The following AFF2 variants were observed in gnomAD, a reference collection of about 807,000 sequenced individuals.
AFF2 encodes ALF transcription elongation factor 2.
A neutral mutation model predicts 76.9 loss-of-function variants in AFF2; 14 were observed. The ratio of observed to expected loss-of-function variants is 0.18; its 90% CI spans 0.12 to 0.28. The LOEUF (loss-of-function observed/expected upper bound fraction) is 0.28. Ranked by LOEUF, AFF2 falls within the 10% of genes least tolerant of loss-of-function variation. The pLI, the probability that AFF2 is intolerant of heterozygous loss-of-function variation, is 1.00. For synonymous variants in AFF2, 398 were observed against 366.7 expected (o/e 1.09, Z -0.98); for missense variants, 868 against 1,001.1 (o/e 0.87, Z 1.79).
chrX:148,791,880 C>T (rs1342718562), intron 3 of AFF2, among the ~76,000 whole-genome samples: 6 of 111,470 alleles, frequency 5.4e-5, no homozygotes, highest in Non-Finnish European at 1.1e-4. Context: ...GCTCATCGAA[C>T]TGCAACTTAC....
At chrX:148,964,155 G>A (rs781826253) in intron 13 of AFF2, among the ~76,000 whole-genome samples, 48 of 112,480 alleles carry the variant, frequency 4.3e-4, no homozygotes, top group African/African-American at 1.5e-3. Flanking sequence ...GCACTGGGCT[G>A]TGGGGTGGAG....
rs1421148725 is a variant in AFF2 at position 148,994,817 on chromosome X, CTT to C, written c.*3487_*3488del. 1 of 112,241 alleles carries C rather than the reference CTT, an allele frequency of 8.9e-6. No individual in the cohort carries two copies. The highest frequency in any genetic ancestry group is 1.9e-5 in the Non-Finnish European group (1 of 53,207). The allele number at this position is 112,241 out of a possible 1,213,427, so 9.2% of individuals were successfully genotyped here. On this transcript the variant is annotated 3_prime_UTR_variant, in exon 21 of 21. Transcript: ENST00000370460. ...GTTGGAGTTTGAGGTTGGAAAATAT[CTT>C]TGAAGGCAGAATCAGTTGAGTTGTG... is the stretch of plus-strand genomic sequence containing the variant.
At chrX:148,877,010 C>G (rs923601142) in intron 7 of AFF2, among the ~76,000 whole-genome samples, 2 of 111,954 alleles carry the variant, frequency 1.8e-5, no homozygotes, top group African/African-American at 3.2e-5. Context: ...AACTGCTAAG[C>G]CAAAGTCTAA....
chrX:148,893,490 C>A (rs1215120269), intron 8 of AFF2, among the ~76,000 whole-genome samples: 4 of 111,955 alleles, frequency 3.6e-5, no homozygotes, highest in Non-Finnish European at 7.5e-5. Flanking sequence ...ATGTATTGTG[C>A]TTATCTCATG....
At chrX:148,714,387 C>T in intron 3 of AFF2, among the ~76,000 whole-genome samples, 1 of 111,689 alleles carries the variant, frequency 9.0e-6, no homozygotes, top group Middle Eastern at 4.6e-3. Flanking sequence ...CCATCTCAGA[C>T]TAATATTTGC....
chrX:148,591,499 C>T (rs1397120980), intron 1 of AFF2, among the ~76,000 whole-genome samples: 1 of 112,482 alleles, frequency 8.9e-6, no homozygotes, highest in Non-Finnish European at 1.9e-5. Flanking sequence ...TGTTACTAAG[C>T]ATCAAATGAA....
intron 1 of AFF2, among the ~76,000 whole-genome samples, chrX:148,544,971 A>G (rs1277364121): frequency 1.8e-5 from 2 of 112,349 alleles, no homozygotes; most frequent in African/African-American, 6.5e-5. Flanking sequence ...CCCTCCTTCC[A>G]TCAACCTTTA....
At chrX:148,551,411 C>A (rs1375449775) in intron 1 of AFF2, among the ~76,000 whole-genome samples, 1 of 101,573 alleles carries the variant, frequency 9.8e-6, no homozygotes, top group Non-Finnish European at 2.0e-5. Flanking sequence ...AAGCAATGAA[C>A]CCCTTACCAA....
Position 148,999,169 on chromosome X carries a change from A to C in AFF2, c.*7837A>C, listed in dbSNP as rs1450988591. 2 of 111,429 alleles carry C rather than the reference A, an allele frequency of 1.8e-5. No homozygotes were observed. Among genetic ancestry groups the C allele is most frequent in the Admixed American group, 9.5e-5 (1 of 10,488 alleles). The allele number at this position is 111,429 out of a possible 1,213,427, so 9.2% of individuals were successfully genotyped here. The stretch of plus-strand genomic sequence containing the variant: ...TTTTCCAGTAGGTAAATTGACTGAG[A>C]CTTGCAAAATACCCCTGAGAGTTGT... On this transcript the variant is annotated 3_prime_UTR_variant, in exon 21 of 21. Transcript: ENST00000370460.
Position 148,744,375 on chromosome X carries a change from G to A in AFF2, c.1042-65501G>A, listed in dbSNP as rs782339570. On this transcript the variant is annotated intron_variant, in intron 3 of 20. Transcript: ENST00000370460. ...ATTTAGTTAAGAATCTTGCATGTATGTAAACGTGTGAAGAAGAAAACAAGT... is the reference window on the plus strand; with the variant it reads ...ATTTAGTTAAGAATCTTGCATGTATATAAACGTGTGAAGAAGAAAACAAGT... Among the ~76,000 whole-genome samples, 4 of 112,081 alleles carry A rather than the reference G, an allele frequency of 3.6e-5. No individual in the cohort carries two copies. The East Asian group carries it at 1.1e-3, about 32-fold the overall frequency.
At chrX:148,746,970 T>G (rs934974398) in intron 3 of AFF2, among the ~76,000 whole-genome samples, 11 of 112,517 alleles carry the variant, frequency 9.8e-5, no homozygotes, top group African/African-American at 3.2e-4. Context: ...GAGAGGTAGA[T>G]GGACTGGGGA....
intron 1 of AFF2, among the ~76,000 whole-genome samples, chrX:148,569,442 T>TA (rs1159373210): frequency 5.7e-4 from 63 of 111,147 alleles, no homozygotes; most frequent in African/African-American, 1.8e-3. Flanking sequence ...CAAACATCTC[T>TA]AAAAAACAAA....
rs1305957026 is a variant in AFF2 at position 148,752,249 on chromosome X, C to T, written c.1042-57627C>T. Among the ~76,000 whole-genome samples, 122 of 112,046 alleles carry T rather than the reference C, an allele frequency of 1.1e-3. 11 individuals carry two copies. Among genetic ancestry groups the T allele is most frequent in the Non-Finnish European group, 3.8e-5 (2 of 53,183 alleles). On this transcript the variant is annotated intron_variant, in intron 3 of 20. Coordinates refer to ENST00000370460, the MANE Select transcript of AFF2 (RefSeq NM_002025.4). ...TTTTCCCTGCTAATAATCGACTCTA[C>T]CTTTGACAACAGAGCAAACAAGTTA...
intron 1 of AFF2, among the ~76,000 whole-genome samples, chrX:148,504,704 CCA>C (rs1276913105): frequency 8.8e-6 from 1 of 113,012 alleles, no homozygotes; most frequent in Non-Finnish European, 1.9e-5. Flanking sequence ...TGCACTTTCC[CCA>C]GTTTTCTTCG....
Position 148,995,490 on chromosome X carries a change from C to CGGGGGG in AFF2, c.*4160_*4165dup, listed in dbSNP as rs1165385117. On this transcript the variant is annotated 3_prime_UTR_variant, in exon 21 of 21. Transcript: ENST00000370460. ...GGCAGAAAGGGGGTGGGGGTGGGGG[C>CGGGGGG]GGGGGGGTGGGGGGTGGGGAAGCCC... The CGGGGGG allele has an allele frequency of 4.4e-5, 2 of 45,955 alleles. No homozygotes were observed. Among genetic ancestry groups the CGGGGGG allele is most frequent in the African/African-American group, 1.2e-4 (2 of 16,229 alleles). The allele number at this position is 45,955 out of a possible 1,213,427, so 3.8% of individuals were successfully genotyped here.
At chrX:148,553,748 G>A (rs782385112) in intron 1 of AFF2, among the ~76,000 whole-genome samples, 3 of 111,670 alleles carry the variant, frequency 2.7e-5, no homozygotes, top group East Asian at 2.8e-4. Flanking sequence ...TATTTCTTCC[G>A]TGTCCCCAGA....
intron 1 of AFF2, among the ~76,000 whole-genome samples, chrX:148,518,385 A>G (rs1330400502): frequency 2.7e-5 from 3 of 112,334 alleles, no homozygotes; most frequent in Non-Finnish European, 5.6e-5. Context: ...GCAGTGCTTC[A>G]TTGGCATAGT....
chrX:148,899,893 C>G (rs2071335672), intron 8 of AFF2, among the ~76,000 whole-genome samples: 1 of 110,661 alleles, frequency 9.0e-6, no homozygotes. Context: ...TGTCATAAGT[C>G]TGACTGTTCA....
intron 3 of AFF2, among the ~76,000 whole-genome samples, chrX:148,725,939 G>A (rs1557264207): frequency 8.9e-6 from 1 of 111,798 alleles, no homozygotes; most frequent in African/African-American, 3.3e-5. Flanking sequence ...ATAGAGTGTT[G>A]AAGGGCTATA....
Sources: allele counts gnomAD v4.1 joint callset (sites outside exome capture counted in the v4.1 genomes callset), GRCh38; gene constraint gnomAD v4.1.1; transcripts MANE v1.5; gene names NCBI Gene and HGNC (gene_info 2026-07-23, HGNC 2026-07-21).